Variants in GDF7 observed in about 807,000 individuals in gnomAD.
GDF7 encodes the protein growth/differentiation factor 7.
In GDF7, 12 loss-of-function variants were observed where a neutral mutation model predicts 13.4. The ratio of observed to expected loss-of-function variants is 0.90; its 90% CI spans 0.57 to 1.45. The LOEUF (loss-of-function observed/expected upper bound fraction) is 1.45. Among genes scored for constraint, GDF7 ranks in the 40% most tolerant of loss-of-function variants. The probability of loss-of-function intolerance (pLI) is 0.00; values close to 1 mark genes in which losing one functional copy is unlikely to be tolerated. For missense variants in GDF7, 651 were observed against 652.4 expected (o/e 1.00, Z 0.02); for synonymous variants, 330 against 306.4 (o/e 1.08, Z -0.80).
rs1662227392 is a variant in GDF7 at position 20,676,718 on chromosome 2, A to G, written c.*5293A>G. 1 of 152,288 alleles carries G rather than the reference A, an allele frequency of 6.6e-6. No homozygotes were observed. The highest frequency in any genetic ancestry group is 1.5e-5 in the Non-Finnish European group (1 of 68,058). 9.4% of individuals were successfully genotyped at this position (152,288 alleles called of 1,614,324 possible). A position where few individuals can be genotyped will look rare whatever the true frequency, so the allele number is the denominator to read the frequency against. ...TTGGCTTGTGGCCTGCAACTTGGCGACAGGCCTTTGGCTGGGCAAAGTTTG... is the reference window on the plus strand; with the variant it reads ...TTGGCTTGTGGCCTGCAACTTGGCGGCAGGCCTTTGGCTGGGCAAAGTTTG... On this transcript the variant is annotated 3_prime_UTR_variant, in exon 2 of 2. Transcript: ENST00000272224.
intron 1 of GDF7, among the ~76,000 whole-genome samples, chr2:20,669,571 T>C (rs1449610792): frequency 6.6e-6 from 1 of 152,292 alleles, no homozygotes; most frequent in Admixed American, 6.5e-5. Context: ...GAGACCTCGT[T>C]TGGGACGCTG....
Position 20,670,451 on chromosome 2 carries a change from C to G in GDF7, c.392-13C>G. 6.6e-7 allele frequency: 1 copy of G among 1,516,450 alleles called. No homozygotes were observed. Among genetic ancestry groups the G allele is most frequent in the Non-Finnish European group, 8.8e-7 (1 of 1,131,440 alleles). 93.9% of individuals were successfully genotyped at this position (1,516,450 alleles called of 1,614,324 possible). On this transcript the variant is annotated splice_polypyrimidine_tract_variant and intron_variant, in intron 1 of 1. Transcript: ENST00000272224. ...CACAGCTCTTTCTCTCTGTCCCTGC[C>G]GGTCCCCCGCAGACGAATCGGCAGC...
chr2:20,669,681 G>A (rs1306978079), intron 1 of GDF7, among the ~76,000 whole-genome samples: 5 of 152,220 alleles, frequency 3.3e-5, no homozygotes, highest in South Asian at 2.1e-4. Flanking sequence ...GGCCGCGAGA[G>A]CACCGGGAGG....
Position 20,672,242 on chromosome 2 carries a change from T to A in GDF7, c.*817T>A, listed in dbSNP as rs1465076477. 1 of 151,818 alleles carries A rather than the reference T, an allele frequency of 6.6e-6. No homozygotes were observed. The highest frequency in any genetic ancestry group is 1.9e-4 in the East Asian group (1 of 5,172). 9.4% of individuals were successfully genotyped at this position (151,818 alleles called of 1,614,324 possible). On this transcript the variant is annotated 3_prime_UTR_variant, in exon 2 of 2. Transcript: ENST00000272224. ...AACAGGATATTGGGGTGGGATAGGA[T>A]CTGCCAGGTTCGGAAGCTCCCCAGT... is the stretch of plus-strand genomic sequence containing the variant.
In GDF7 at chr2:20,667,951, T is replaced by C. The variant is rs1407254744; in HGVS notation, c.391+321T>C. On this transcript the variant is annotated intron_variant, in intron 1 of 1. Transcript: ENST00000272224. The surrounding 1 kb of genome is among the most constrained non-coding windows in gnomAD (Gnocchi z 6.4). ...TCGCTTCTTGGGGAATGGTCTGGAG[T>C]GGCCTCGGAGCCCTCAGAGAAGAAA... is the stretch of plus-strand genomic sequence containing the variant. Among the ~76,000 whole-genome samples the C allele has an allele frequency of 6.6e-6, 1 of 151,898 alleles. No individual in the cohort carries two copies. The highest frequency in any genetic ancestry group is 1.9e-4 in the East Asian group (1 of 5,146).
In GDF7 at chr2:20,671,442, G is replaced by C. The variant is rs770466340; in HGVS notation, c.*17G>C. On this transcript the variant is annotated 3_prime_UTR_variant, in exon 2 of 2. Transcript: ENST00000272224. ...TGCAGGTAGCGCGAGGGCCGGGGAG[G>C]GGGCAGCCACGCGGCCGAGGATCCC... 6.2e-7 allele frequency: 1 copy of C among 1,605,016 alleles called. No individual in the cohort carries two copies. The highest frequency in any genetic ancestry group is 1.7e-5 in the Admixed American group (1 of 59,404).
intron 1 of GDF7, among the ~76,000 whole-genome samples, chr2:20,668,801 T>A (rs1306727430): frequency 6.6e-6 from 1 of 152,206 alleles, no homozygotes; most frequent in Non-Finnish European, 1.5e-5. Context: ...CAAATGGCCC[T>A]GTGGTTCGGT....
chr2:20,670,325 G>A lies in GDF7; in HGVS notation c.392-139G>A, dbSNP rs540745751. Reference sequence around the variant, plus strand: ...GTTCAGGCTGGGGCAGAGACGCGGAGTCGGGCGCTGGCTCCAACAGGCCTG... The same window carrying A: ...GTTCAGGCTGGGGCAGAGACGCGGAATCGGGCGCTGGCTCCAACAGGCCTG... On this transcript the variant is annotated intron_variant, in intron 1 of 1. Transcript: ENST00000272224. 7 of 941,806 alleles carry A rather than the reference G, an allele frequency of 7.4e-6. No homozygotes were observed. The African/African-American group carries it at 1.2e-4, about 16-fold the overall frequency. 58.3% of individuals were successfully genotyped at this position (941,806 alleles called of 1,614,324 possible). A position where few individuals can be genotyped will look rare whatever the true frequency, so the allele number is the denominator to read the frequency against.
chr2:20,667,479 C>A lies in GDF7; in HGVS notation c.240C>A (p.Gly80=). 1 of 1,272,228 alleles carries A rather than the reference C, an allele frequency of 7.9e-7. No homozygotes were observed. Among genetic ancestry groups the A allele is most frequent in the South Asian group, 2.6e-5 (1 of 38,136 alleles). The allele number at this position is 1,272,228 out of a possible 1,614,324, so 78.8% of individuals were successfully genotyped here. The part of the protein sequence containing the change: ...ARAARRAAGS[G]FRNGSVVPHH... Reference sequence around the variant, plus strand: ...CCGCGCGCCGCGCCGCGGGCTCCGGCTTCAGGAACGGCTCGGTGGTGCCGC... The same window carrying A: ...CCGCGCGCCGCGCCGCGGGCTCCGGATTCAGGAACGGCTCGGTGGTGCCGC... Residue 80 remains glycine (G), a synonymous_variant, in exon 1 of 2, where the codon GGC becomes GGA. Transcript: ENST00000272224. This position sits in a 1 kb window ranked among gnomAD's most constrained non-coding sequence, Gnocchi z 6.4.
Position 20,667,190 on chromosome 2 carries a change from T to C in GDF7, c.-50T>C. On this transcript the variant is annotated 5_prime_UTR_variant, in exon 1 of 2. Transcript: ENST00000272224. This position sits in a 1 kb window ranked among gnomAD's most constrained non-coding sequence, Gnocchi z 6.4. ...TATGTTCAAAAGGCGCCGGGGGACTTCCCGGAGCCACGGAGCCCGCGCCGC... is the reference window on the plus strand; with the variant it reads ...TATGTTCAAAAGGCGCCGGGGGACTCCCCGGAGCCACGGAGCCCGCGCCGC... 1 of 1,112,170 alleles carries C rather than the reference T, an allele frequency of 9.0e-7. No homozygotes were observed. The allele number at this position is 1,112,170 out of a possible 1,614,324, so 68.9% of individuals were successfully genotyped here.
rs34024563 is a variant in GDF7, at chr2:20,672,127, CTTTTTTTT to C, written c.*713_*720del. On this transcript the variant is annotated 3_prime_UTR_variant, in exon 2 of 2. Coordinates refer to ENST00000272224, the MANE Select transcript of GDF7 (RefSeq NM_182828.4). Reference sequence around the variant, plus strand: ...CCGCCACCCCCCCCCCCCCCCCCGCCTTTTTTTTTTTTTTTTTTAATCAATTCCAATAG... The same window carrying C: ...CCGCCACCCCCCCCCCCCCCCCCGCCTTTTTTTTTTAATCAATTCCAATAG... 4 of 112,450 alleles carry C rather than the reference CTTTTTTTT, an allele frequency of 3.6e-5. No individual in the cohort carries two copies. Among genetic ancestry groups the C allele is most frequent in the African/African-American group, 7.1e-5 (2 of 28,190 alleles). The allele number at this position is 112,450 out of a possible 1,614,324, so 7.0% of individuals were successfully genotyped here. A position where few individuals can be genotyped will look rare whatever the true frequency, so the allele number is the denominator to read the frequency against.
rs1043741696 is a variant in GDF7 at position 20,671,602 on chromosome 2, G to A, written c.*177G>A. On this transcript the variant is annotated 3_prime_UTR_variant, in exon 2 of 2. Coordinates refer to ENST00000272224, the MANE Select transcript of GDF7 (RefSeq NM_182828.4). ...TCGTGCAGTCACGCACACATTTACCGGGGACAGCATGTGAAAGCCTTGGGA... is the reference window on the plus strand; with the variant it reads ...TCGTGCAGTCACGCACACATTTACCAGGGACAGCATGTGAAAGCCTTGGGA... The A allele has an allele frequency of 6.7e-5, 43 of 645,502 alleles. No individual in the cohort carries two copies. In the African/African-American group the frequency reaches 7.2e-4, roughly 11 times the overall value. The allele number at this position is 645,502 out of a possible 1,614,324, so 40.0% of individuals were successfully genotyped here.
intron 1 of GDF7, among the ~76,000 whole-genome samples, 167 bp from the exon 2 acceptor site, chr2:20,670,297 A>G (rs1662090617): frequency 6.6e-6 from 1 of 152,246 alleles, no homozygotes; most frequent in African/African-American, 2.4e-5. Context: ...CCAGGCTGGC[A>G]GCGTTCAGGC....
Position 20,675,558 on chromosome 2 carries a change from G to T in GDF7, c.*4133G>T, listed in dbSNP as rs1662205019. ...ACAAGGCGTCTCCTGAGAGACGTCT[G>T]AGGCAAGTTATGGGCAGTCACCTCC... On this transcript the variant is annotated 3_prime_UTR_variant, in exon 2 of 2. Transcript: ENST00000272224. 3 of 152,216 alleles carry T rather than the reference G, an allele frequency of 2.0e-5. No individual in the cohort carries two copies. Among genetic ancestry groups the T allele is most frequent in the African/African-American group, 7.2e-5 (3 of 41,448 alleles). The allele number at this position is 152,216 out of a possible 1,614,324, so 9.4% of individuals were successfully genotyped here.
Position 20,671,435 on chromosome 2 carries a change from C to T in GDF7, c.*10C>T, listed in dbSNP as rs1558362918. 1.9e-6 allele frequency: 3 copies of T among 1,605,804 alleles called. No homozygotes were observed. Among genetic ancestry groups the T allele is most frequent in the Middle Eastern group, 1.7e-4 (1 of 6,010 alleles). On this transcript the variant is annotated 3_prime_UTR_variant, in exon 2 of 2. Transcript: ENST00000272224. ...CTGCGGCTGCAGGTAGCGCGAGGGC[C>T]GGGGAGGGGGCAGCCACGCGGCCGA...
In GDF7 at chr2:20,675,513, C is replaced by T. The variant is rs1474062301; in HGVS notation, c.*4088C>T. 1 of 152,242 alleles carries T rather than the reference C, an allele frequency of 6.6e-6. No individual in the cohort carries two copies. Among genetic ancestry groups the T allele is most frequent in the African/African-American group, 2.4e-5 (1 of 41,442 alleles). 9.4% of individuals were successfully genotyped at this position (152,242 alleles called of 1,614,324 possible). ...ACGGACTGCGCCCGCCAGGGGAGGC[C>T]GCTCAGGGGCCAGGGCACCACAAGG... On this transcript the variant is annotated 3_prime_UTR_variant, in exon 2 of 2. Transcript: ENST00000272224.
rs1321250479 is a variant in GDF7, at chr2:20,667,250, GCGC to G, written c.21_23del (p.Ala8del). The G allele has an allele frequency of 3.2e-6, 4 of 1,235,880 alleles. No individual in the cohort carries two copies. Among genetic ancestry groups the G allele is most frequent in the East Asian group, 4.0e-5 (1 of 25,268 alleles). The allele number at this position is 1,235,880 out of a possible 1,614,324, so 76.6% of individuals were successfully genotyped here. On this transcript the variant is annotated inframe_deletion, in exon 1 of 2. Coordinates refer to ENST00000272224, the MANE Select transcript of GDF7 (RefSeq NM_182828.4). This position sits in a 1 kb window ranked among gnomAD's most constrained non-coding sequence, Gnocchi z 6.4. ...CGGCCCACGGAGCCCATGGACCTGA[GCGC>G]CGCCGCCGCGCTGTGCCTTTGGCTG...
In GDF7 at chr2:20,667,245, C is replaced by G. The variant is rs1310040051; in HGVS notation, c.6C>G (p.Asp2Glu). The change falls in exon 1 of 2, where the codon GAC becomes GAG. Residue 2 changes from aspartate to glutamate, a missense_variant. Physicochemically the swap from Asp to Glu is conservative, Grantham distance 45 (BLOSUM62 2). Around this residue, in one of 4 missense-constraint regions of GDF7, gnomAD observed 61 missense variants for 50.5 expected, o/e 1.21. Transcript: ENST00000272224. This position sits in a 1 kb window ranked among gnomAD's most constrained non-coding sequence, Gnocchi z 6.4. M[D>E]LSAAAALCLW... The stretch of plus-strand genomic sequence containing the variant: ...CCGCCCGGCCCACGGAGCCCATGGA[C>G]CTGAGCGCCGCCGCCGCGCTGTGCC... The G allele has an allele frequency of 1.6e-6, 2 of 1,235,600 alleles. No individual in the cohort carries two copies. The highest frequency in any genetic ancestry group is 3.9e-5 in the East Asian group (1 of 25,412). 76.5% of individuals were successfully genotyped at this position (1,235,600 alleles called of 1,614,324 possible).
chr2:20,668,362 G>A (rs1396976312), intron 1 of GDF7, among the ~76,000 whole-genome samples: 1 of 152,184 alleles, frequency 6.6e-6, no homozygotes, highest in East Asian at 1.9e-4. Context: ...GCCTCTCTTA[G>A]ACTAAGCACC....
Sources: allele counts gnomAD v4.1 joint callset (sites outside exome capture counted in the v4.1 genomes callset), GRCh38; gene constraint gnomAD v4.1.1; regional missense constraint gnomAD v4.1.1; non-coding constraint Gnocchi (gnomAD v3.1); transcripts MANE v1.5; gene names NCBI Gene and HGNC (gene_info 2026-07-23, HGNC 2026-07-21).